L2HGDH: variants seen among roughly 807,000 people sequenced by gnomAD.
L2HGDH encodes the protein L-2-hydroxyglutarate dehydrogenase, also known as L-2-hydroxyglutarate dehydrogenase, mitochondrial.
In L2HGDH, 34 loss-of-function variants were observed where a neutral mutation model predicts 51.5. The observed-to-expected ratio is 0.66, with a 90% CI of 0.50 to 0.88. The LOEUF is 0.88. L2HGDH is among the 40% of genes least tolerant of loss of function. L2HGDH has a pLI of 0.00. For synonymous variants in L2HGDH, 198 were observed against 197.9 expected (o/e 1.00, Z -0.01); for missense variants, 558 against 571.9 (o/e 0.98, Z 0.25).
chr14:50,248,168 AAC>A (rs1479523044), intron 9 of L2HGDH, among the ~76,000 whole-genome samples: 1 of 152,144 alleles, frequency 6.6e-6, no homozygotes, highest in African/African-American at 2.4e-5. Context: ...TGTTTTTTTA[AAC>A]AGTTAAAATT....
At chr14:50,277,768 G>A (rs1395245334) in intron 6 of L2HGDH, among the ~76,000 whole-genome samples, 5 of 129,872 alleles carry the variant, frequency 3.8e-5, no homozygotes, top group African/African-American at 8.8e-5. Flanking sequence ...GTGAGACTCC[G>A]TCTCAAAATA....
intron 4 of L2HGDH, chr14:50,287,282 A>G (rs997470886): frequency 6.1e-6 from 6 of 984,104 alleles, no homozygotes; most frequent in Non-Finnish European, 7.2e-6. Flanking sequence ...AATGCATAAT[A>G]TAAAAAATCA....
chr14:50,299,691 C>T (rs561099320), intron 3 of L2HGDH, among the ~76,000 whole-genome samples: 1 of 152,276 alleles, frequency 6.6e-6, no homozygotes, highest in South Asian at 2.1e-4. Context: ...ATCAAGGTGA[C>T]ACATCATATC....
chr14:50,264,564 AGT>A (rs1170518534), intron 9 of L2HGDH, among the ~76,000 whole-genome samples: 1 of 152,168 alleles, frequency 6.6e-6, no homozygotes, highest in East Asian at 1.9e-4. Flanking sequence ...CAGGTCTAGG[AGT>A]GTGTTTCTAA....
At position 50,294,224 on chromosome 14, in the gene L2HGDH, TC is replaced by T; in HGVS notation, c.430del (p.Glu144LysfsTer21). 6.2e-7 allele frequency: 1 copy of T among 1,613,444 alleles called. No individual in the cohort carries two copies. ...TAGGGCCTGAAGTCTGGGAATTTCT[TC>T]TTGTTCAACAGCTACTATAAGCTTC... Reference protein sequence around the residue: ...CGKLIVAVEQEEIPRLQALYE... With the variant: ...CGKLIVAVEQXEIPRLQALYE... On this transcript the variant is annotated frameshift_variant, in exon 4 of 10. Transcript: ENST00000267436. LOFTEE classifies it high-confidence loss of function.
At chr14:50,282,799 T>C (rs534069651) in intron 5 of L2HGDH, among the ~76,000 whole-genome samples, 23 of 152,236 alleles carry the variant, frequency 1.5e-4, no homozygotes, top group Admixed American at 1.2e-3. Context: ...TCTAGCACTT[T>C]GGGAGGTCAA....
chr14:50,272,797 C>T (rs1329524609), intron 6 of L2HGDH, among the ~76,000 whole-genome samples: 1 of 152,146 alleles, frequency 6.6e-6, no homozygotes, highest in Non-Finnish European at 1.5e-5. Flanking sequence ...TCCCATGGCC[C>T]CTACTCCTGC....
chr14:50,248,015 G>T (rs1002523360), intron 9 of L2HGDH, among the ~76,000 whole-genome samples: 1 of 152,012 alleles, frequency 6.6e-6, no homozygotes, highest in African/African-American at 2.4e-5. Flanking sequence ...GCCCAGGCTG[G>T]TCTCAAACTC....
chr14:50,277,706 G>A (rs2140002709), intron 6 of L2HGDH, among the ~76,000 whole-genome samples: 1 of 151,626 alleles, frequency 6.6e-6, no homozygotes, highest in East Asian at 1.9e-4. Flanking sequence ...CCGAGAGGCG[G>A]AGCTTGCAGT....
intron 1 of L2HGDH, among the ~76,000 whole-genome samples, chr14:50,310,681 G>C (rs911254965): frequency 6.6e-6 from 1 of 151,980 alleles, no homozygotes; most frequent in Admixed American, 6.6e-5. Context: ...TCCAGCCTTG[G>C]CAACACAGTG....
chr14:50,293,339 A>G (rs1259314755), intron 4 of L2HGDH: 6 of 694,216 alleles, frequency 8.6e-6, no homozygotes, highest in Non-Finnish European at 1.6e-5. Flanking sequence ...ATAAAAATCA[A>G]TTCCAAATGG....
At chr14:50,262,432 A>C (rs1251320855) in intron 9 of L2HGDH, among the ~76,000 whole-genome samples, 1 of 151,374 alleles carries the variant, frequency 6.6e-6, no homozygotes, top group African/African-American at 2.4e-5. Context: ...CTGTCTCAAA[A>C]AAAAAAAAAA....
In L2HGDH at chr14:50,255,576, C is replaced by T. The variant is rs61283794; in HGVS notation, c.1197-8323G>A. On this transcript the variant is annotated intron_variant, in intron 9 of 9. Transcript: ENST00000267436. ...AAAGAAAAGAAAAAGAAAAGAAAATCTCAGGTAACATAAACCATAAATGTC... is the reference window on the plus strand; with the variant it reads ...AAAGAAAAGAAAAAGAAAAGAAAATTTCAGGTAACATAAACCATAAATGTC... Among the ~76,000 whole-genome samples, 781 of 149,780 alleles carry T rather than the reference C, an allele frequency of 5.2e-3. 5 individuals are homozygous for T. Among genetic ancestry groups the T allele is most frequent in the African/African-American group, 0.017 (699 of 40,918 alleles).
At chr14:50,297,480 T>A (rs2030128344) in intron 3 of L2HGDH, among the ~76,000 whole-genome samples, 1 of 151,954 alleles carries the variant, frequency 6.6e-6, no homozygotes, top group African/African-American at 2.4e-5. Flanking sequence ...GCATTAGCAA[T>A]GAATTATAAA....
intron 3 of L2HGDH, among the ~76,000 whole-genome samples, chr14:50,296,593 TAAAAAA>T (rs113103736): frequency 8.5e-6 from 1 of 117,478 alleles, no homozygotes; most frequent in South Asian, 2.7e-4. Context: ...CTTCCCACAT[TAAAAAA>T]AAAAAAAAAA....
chr14:50,252,180 A>G (rs1161893030), intron 9 of L2HGDH, among the ~76,000 whole-genome samples: 1 of 152,096 alleles, frequency 6.6e-6, no homozygotes, highest in Non-Finnish European at 1.5e-5. Context: ...TTGTTTGCAT[A>G]TGCAATCAGT....
chr14:50,309,986 T>C (rs976006318), intron 1 of L2HGDH, among the ~76,000 whole-genome samples: 2 of 151,166 alleles, frequency 1.3e-5, no homozygotes, highest in African/African-American at 2.4e-5. Context: ...TGAGCCAGCA[T>C]GCCTGGCCAC....
intron 6 of L2HGDH, among the ~76,000 whole-genome samples, chr14:50,275,085 T>C (rs778976392): frequency 6.6e-6 from 1 of 152,160 alleles, no homozygotes; most frequent in East Asian, 1.9e-4. Flanking sequence ...TAATACTGTA[T>C]GGTATACTTG....
intron 1 of L2HGDH, 75 bp downstream of exon 1, chr14:50,311,936 G>C (rs1308093842): frequency 6.6e-7 from 1 of 1,525,512 alleles, no homozygotes. Context: ...ATACGAACAG[G>C]GGCACAGGTC....
Sources: allele counts gnomAD v4.1 joint callset (sites outside exome capture counted in the v4.1 genomes callset), GRCh38; gene constraint gnomAD v4.1.1; transcripts MANE v1.5; gene names NCBI Gene and HGNC (gene_info 2026-07-23, HGNC 2026-07-21).